CDC14B: variants seen among roughly 807,000 people sequenced by gnomAD.
CDC14B encodes the protein cell division cycle 14B.
CDC14B carries 22 observed loss-of-function variants against 64.2 expected under a neutral mutation model. The ratio of observed to expected loss-of-function variants is 0.34; its 90% confidence interval spans 0.24 to 0.49. CDC14B has a LOEUF of 0.49. Among genes scored for constraint, CDC14B ranks in the 20% least tolerant of loss-of-function variants. The pLI is 0.99. For missense variants in CDC14B, 498 were observed against 629.9 expected (o/e 0.79, Z 2.24); for synonymous variants, 191 against 215.8 (o/e 0.89, Z 1.01).
intron 9 of CDC14B, among the ~76,000 whole-genome samples, chr9:96,527,833 T>A (rs1837820474): frequency 1.3e-5 from 2 of 152,068 alleles, no homozygotes; most frequent in Admixed American, 6.5e-5. Context: ...GCCAGGATGG[T>A]CTTGATCTCC....
chr9:96,547,637 G>T (rs1841146294), intron 5 of CDC14B, among the ~76,000 whole-genome samples: 1 of 151,880 alleles, frequency 6.6e-6, no homozygotes, highest in South Asian at 2.1e-4. Context: ...TTTCCCCAAA[G>T]AGAAATGGTC....
At chr9:96,520,861 T>C (rs2131506509) in intron 12 of CDC14B, among the ~76,000 whole-genome samples, 2 of 127,900 alleles carry the variant, frequency 1.6e-5, no homozygotes, top group Admixed American at 9.7e-5. Context: ...CCCGGGTGCC[T>C]CCTGCACACT....
chr9:96,573,736 A>C (rs773654422), intron 1 of CDC14B, among the ~76,000 whole-genome samples: 2 of 152,228 alleles, frequency 1.3e-5, no homozygotes, highest in Non-Finnish European at 1.5e-5. Flanking sequence ...CTGATGTATG[A>C]ATTAAATGTA....
rs145359914 is a variant in CDC14B at position 96,528,834 on chromosome 9, G to C, written c.946+5093C>G. ...TATAAAGTGGTATCTCACTGTGGTT[G>C]TGATTTGACTTTCCCTATAAGTCAA... is the stretch of plus-strand genomic sequence containing the variant. On this transcript the variant is annotated intron_variant, in intron 9 of 13. Transcript: ENST00000375241. 7.5e-3 allele frequency among the ~76,000 whole-genome samples: 1,140 copies of C among 152,314 alleles called. 9 individuals are homozygous for C. Among genetic ancestry groups the C allele is most frequent in the Admixed American group, 0.012 (178 of 15,306 alleles).
intron 12 of CDC14B, 126 bp downstream of exon 12, chr9:96,522,380 G>A: frequency 1.4e-6 from 1 of 708,446 alleles, no homozygotes; most frequent in Non-Finnish European, 2.6e-6. Flanking sequence ...AAATAACATA[G>A]GCAAGCATTT....
chr9:96,587,196 A>G (rs572395217), intron 1 of CDC14B, among the ~76,000 whole-genome samples: 74 of 151,794 alleles, frequency 4.9e-4, no homozygotes, highest in African/African-American at 1.7e-3. Flanking sequence ...ACAAAAAAAA[A>G]GAGAAAACAG....
At chr9:96,579,650 G>A (rs13295628) in intron 1 of CDC14B, among the ~76,000 whole-genome samples, 7,572 of 151,942 alleles carry the variant, frequency 0.05, 368 homozygotes, top group South Asian at 0.27. Flanking sequence ...GAAAGGTCAC[G>A]TGGAGGTACA....
At chr9:96,601,798 A>ACAAAAAC (rs1232761517) in intron 1 of CDC14B, among the ~76,000 whole-genome samples, 3 of 149,402 alleles carry the variant, frequency 2.0e-5, no homozygotes, top group East Asian at 2.0e-4. Context: ...TGTCTCGAAA[A>ACAAAAAC]AAAAAAAAAA....
In CDC14B at chr9:96,534,006, G is replaced by A. The variant is rs1468077768; in HGVS notation, c.867C>T (p.Ser289=). The stretch of plus-strand genomic sequence containing the variant: ...CTTTGACAATGGCATCAGTAGGGGT[G>A]CTGCCATCCGCAAAGAAAAGATCAT... ...DHHDLFFADG[S]TPTDAIVKEF... The change falls in exon 9 of 14, where the codon AGC becomes AGT. Residue 289 remains serine (S), a synonymous_variant. Coordinates refer to ENST00000375241, the MANE Select transcript of CDC14B (RefSeq NM_033331.4). 1 of 1,612,900 alleles carries A rather than the reference G, an allele frequency of 6.2e-7. No homozygotes were observed. Among genetic ancestry groups the A allele is most frequent in the East Asian group, 2.2e-5 (1 of 44,864 alleles).
chr9:96,595,177 A>C (rs145432021), intron 1 of CDC14B, among the ~76,000 whole-genome samples: 1 of 152,306 alleles, frequency 6.6e-6, no homozygotes, highest in Admixed American at 6.5e-5. Flanking sequence ...TTAGCCCTCA[A>C]CTAAGCATTG....
intron 5 of CDC14B, among the ~76,000 whole-genome samples, 176 bp downstream of exon 5, chr9:96,551,620 T>C (rs1841859140): frequency 6.6e-6 from 1 of 152,134 alleles, no homozygotes; most frequent in African/African-American, 2.4e-5. Flanking sequence ...ACGCACAAGA[T>C]AGCCTCCATG....
chr9:96,507,309 AG>A (rs1464302542), intron 13 of CDC14B, among the ~76,000 whole-genome samples: 6 of 149,126 alleles, frequency 4.0e-5, no homozygotes, highest in African/African-American at 5.0e-5. Context: ...TCCATGTCAA[AG>A]GAAAAAAAAA....
rs1362028107 is a variant in CDC14B at position 96,509,728 on chromosome 9, C to T, written c.1405G>A (p.Ala469Thr). ...CTGGTGGTTCTTTTAGTAATGCCTG[C>T]ACTGCCAGAAATGTTAGGTTCAGAT... ...KTSEPNISGS[A>T]GITKRTTRSA... is the part of the protein sequence containing the mutation. The change falls in exon 13 of 14, where the codon GCA (alanine) becomes ACA (threonine). Residue 469 changes from alanine to threonine, a missense_variant. By Grantham distance (58) the Ala-to-Thr change is moderately conservative (BLOSUM62 0). Coordinates refer to ENST00000375241, the MANE Select transcript of CDC14B (RefSeq NM_033331.4). 1.2e-6 allele frequency: 2 copies of T among 1,613,418 alleles called. No homozygotes were observed. Among genetic ancestry groups the T allele is most frequent in the Non-Finnish European group, 8.5e-7 (1 of 1,179,430 alleles).
intron 1 of CDC14B, among the ~76,000 whole-genome samples, chr9:96,571,658 G>A (rs1036821116): frequency 6.6e-6 from 1 of 152,058 alleles, no homozygotes; most frequent in Non-Finnish European, 1.5e-5. Context: ...TATACTTATT[G>A]GTTTTCATCC....
chr9:96,614,244 T>C (rs1847492142), intron 1 of CDC14B, among the ~76,000 whole-genome samples: 1 of 148,826 alleles, frequency 6.7e-6, no homozygotes. Context: ...TTTTCTTTCT[T>C]TTTTTTTTTG....
chr9:96,619,579 C>G lies in CDC14B; in HGVS notation c.-201G>C, dbSNP rs1847850827. On this transcript the variant is annotated 5_prime_UTR_variant, in exon 1 of 14. Transcript: ENST00000375241. Reference sequence around the variant, plus strand: ...GGAGCCCGGCCCACAGCGCCTGCCCCGCTGCCTCCCGCGGCCGCCGCAGGA... The same window carrying G: ...GGAGCCCGGCCCACAGCGCCTGCCCGGCTGCCTCCCGCGGCCGCCGCAGGA... The G allele has an allele frequency of 6.7e-6, 1 of 149,520 alleles. No individual in the cohort carries two copies. Among genetic ancestry groups the G allele is most frequent in the South Asian group, 2.0e-4 (1 of 4,912 alleles). 9.3% of individuals were successfully genotyped at this position (149,520 alleles called of 1,614,324 possible). A position where few individuals can be genotyped will look rare whatever the true frequency, so the allele number is the denominator to read the frequency against.
intron 12 of CDC14B, among the ~76,000 whole-genome samples, chr9:96,519,097 C>G (rs966208460): frequency 1.3e-5 from 2 of 152,036 alleles, no homozygotes; most frequent in Non-Finnish European, 2.9e-5. Flanking sequence ...GATCGCACCA[C>G]TTTACTCCAG....
chr9:96,523,166 C>A, intron 11 of CDC14B, 95 bp downstream of exon 11: 1 of 1,320,360 alleles, frequency 7.6e-7, no homozygotes, highest in Non-Finnish European at 1.1e-6. Flanking sequence ...CCAAGAGCTG[C>A]TTTATTATTT....
chr9:96,494,760 CTCCCG>C (rs1833176210), intron 13 of CDC14B, among the ~76,000 whole-genome samples: 1 of 128,110 alleles, frequency 7.8e-6, no homozygotes, highest in Non-Finnish European at 1.7e-5. Context: ...CTCCCCTCCC[CTCCCG>C]TCCCCTCCCC....
Sources: allele counts gnomAD v4.1 joint callset (sites outside exome capture counted in the v4.1 genomes callset), GRCh38; gene constraint gnomAD v4.1.1; transcripts MANE v1.5; gene names NCBI Gene and HGNC (gene_info 2026-07-23, HGNC 2026-07-21).